The following PAX8 variants were observed in gnomAD, a reference collection of about 807,000 sequenced individuals.
The protein encoded by PAX8 is paired box protein Pax-8.
Under a neutral mutation model 52.4 loss-of-function variants are expected in PAX8, and 15 were observed. The observed-to-expected ratio is 0.29, with a 90% CI of 0.19 to 0.44. The LOEUF is 0.44. PAX8 is among the 20% of genes least tolerant of loss of function. The pLI, the probability that PAX8 is intolerant of heterozygous loss-of-function variation, is 1.00. For missense variants in PAX8, 554 were observed against 602.5 expected (o/e 0.92, Z 0.84); for synonymous variants, 284 against 249.7 (o/e 1.14, Z -1.29).
chr2:113,240,100 C>T (rs1308938988), intron 7 of PAX8: 1 of 152,292 alleles, frequency 6.6e-6, no homozygotes. Flanking sequence ...TTTACTTTCA[C>T]TGAGTGGCTG....
chr2:113,235,230 C>T, intron 9 of PAX8, 164 bp downstream of exon 9: 1 of 622,102 alleles, frequency 1.6e-6, no homozygotes, highest in Non-Finnish European at 2.8e-6. Flanking sequence ...TCTTCCCCGT[C>T]ACAGAGAACT....
At chr2:113,254,588 A>G (rs1692048819) in intron 2 of PAX8, among the ~76,000 whole-genome samples, 1 of 151,860 alleles carries the variant, frequency 6.6e-6, no homozygotes, top group African/African-American at 2.4e-5. Flanking sequence ...TGGCCATATC[A>G]CTCCCATATT....
At chr2:113,278,029 C>T (rs1193134960) in intron 2 of PAX8, among the ~76,000 whole-genome samples, 1 of 152,208 alleles carries the variant, frequency 6.6e-6, no homozygotes, top group Non-Finnish European at 1.5e-5. Flanking sequence ...CGGTGCAGCC[C>T]AGGGACAGAG....
At chr2:113,233,703 G>T (rs1690057918) in intron 9 of PAX8, among the ~76,000 whole-genome samples, 1 of 150,126 alleles carries the variant, frequency 6.7e-6, no homozygotes, top group Non-Finnish European at 1.5e-5. Flanking sequence ...AAAAAAAAAA[G>T]GGTCCAGGGA....
chr2:113,259,755 C>T (rs980696350), intron 2 of PAX8, among the ~76,000 whole-genome samples: 3 of 152,220 alleles, frequency 2.0e-5, no homozygotes, highest in African/African-American at 7.2e-5. Context: ...AATGGAGCTT[C>T]CCAGTGCTCC....
chr2:113,246,184 A>G (rs865831920), intron 3 of PAX8, among the ~76,000 whole-genome samples: 15 of 152,304 alleles, frequency 9.8e-5, no homozygotes, highest in Middle Eastern at 3.4e-3. Flanking sequence ...ACTTGCGCCT[A>G]TTTCCCTAAA....
In PAX8 at chr2:113,216,725, T is replaced by A. The variant is rs1369794192; in HGVS notation, c.*1808A>T. 4 of 226,574 alleles carry A rather than the reference T, an allele frequency of 1.8e-5. No homozygotes were observed. Among genetic ancestry groups the A allele is most frequent in the Admixed American group, 5.7e-5 (1 of 17,554 alleles). 14.0% of individuals were successfully genotyped at this position (226,574 alleles called of 1,614,324 possible). A position where few individuals can be genotyped will look rare whatever the true frequency, so the allele number is the denominator to read the frequency against. On this transcript the variant is annotated 3_prime_UTR_variant, in exon 12 of 12. Coordinates refer to ENST00000429538, the MANE Select transcript of PAX8 (RefSeq NM_003466.4). ...AAATCAAAAGAAATTAAATCCCCAGTGGCAGCTCCAGAACCTCCACTGGGT... is the reference window on the plus strand; with the variant it reads ...AAATCAAAAGAAATTAAATCCCCAGAGGCAGCTCCAGAACCTCCACTGGGT...
At chr2:113,232,438 C>T (rs551502176) in intron 9 of PAX8, among the ~76,000 whole-genome samples, 30 of 152,346 alleles carry the variant, frequency 2.0e-4, no homozygotes, top group Admixed American at 1.5e-3. Context: ...CTTCAAAGTG[C>T]TCACACCTGC....
intron 9 of PAX8, among the ~76,000 whole-genome samples, chr2:113,227,772 G>A (rs1424605477): frequency 6.6e-6 from 1 of 152,010 alleles, no homozygotes; most frequent in Non-Finnish European, 1.5e-5. Context: ...TTTTTTGGGG[G>A]GCCTGTGACA....
At chr2:113,278,496 A>C in intron 1 of PAX8, 27 bp from the exon 2 acceptor site, 1 of 1,533,900 alleles carries the variant, frequency 6.5e-7, no homozygotes, top group Non-Finnish European at 8.9e-7. Context: ...GAAGGGCATG[A>C]GATGCGATGA....
At chr2:113,244,739 A>G (rs1691165087) in intron 3 of PAX8, 115 bp from the exon 4 acceptor site, 5 of 940,950 alleles carry the variant, frequency 5.3e-6, no homozygotes, top group Admixed American at 3.5e-5. Flanking sequence ...TATGAGAGTG[A>G]AATGTGCCTC....
At chr2:113,256,788 A>G (rs1401185753) in intron 2 of PAX8, among the ~76,000 whole-genome samples, 1 of 151,854 alleles carries the variant, frequency 6.6e-6, no homozygotes, top group Non-Finnish European at 1.5e-5. Flanking sequence ...AGAGTCAGAA[A>G]CCCCTGCTTC....
intron 2 of PAX8, among the ~76,000 whole-genome samples, chr2:113,252,239 G>C (rs1314106390): frequency 6.6e-6 from 1 of 152,176 alleles, no homozygotes; most frequent in African/African-American, 2.4e-5. Flanking sequence ...GGCCTCTTTG[G>C]GTGCCTTTCA....
intron 2 of PAX8, among the ~76,000 whole-genome samples, chr2:113,262,370 G>A (rs903401484): frequency 3.3e-5 from 5 of 152,122 alleles, no homozygotes; most frequent in African/African-American, 1.2e-4. Context: ...TCTGGCTTGG[G>A]AGGGGGAGTC....
At chr2:113,243,164 G>A (rs1158789866) in intron 4 of PAX8, among the ~76,000 whole-genome samples, 1 of 152,138 alleles carries the variant, frequency 6.6e-6, no homozygotes, top group Non-Finnish European at 1.5e-5. Context: ...AGTGGCCCAC[G>A]CCCATCCCCT....
chr2:113,238,380 T>C (rs1193139429), intron 7 of PAX8: 1 of 152,618 alleles, frequency 6.6e-6, no homozygotes, highest in East Asian at 1.9e-4. Context: ...AGGGTGTGTC[T>C]TATTGAAATT....
intron 2 of PAX8, chr2:113,272,750 G>A (rs1364130314): frequency 6.6e-6 from 1 of 152,194 alleles, no homozygotes; most frequent in African/African-American, 2.4e-5. Flanking sequence ...AAGAACCTGG[G>A]CGAAGAAGGT....
At chr2:113,246,513 G>A (rs781132822) in intron 3 of PAX8, among the ~76,000 whole-genome samples, 1 of 152,084 alleles carries the variant, frequency 6.6e-6, no homozygotes, top group Non-Finnish European at 1.5e-5. Context: ...AGAAGGGAGA[G>A]GGAGAAACTA....
At chr2:113,257,483 T>C (rs1692346338) in intron 2 of PAX8, among the ~76,000 whole-genome samples, 1 of 152,078 alleles carries the variant, frequency 6.6e-6, no homozygotes, top group East Asian at 1.9e-4. Flanking sequence ...TCGAATGTGA[T>C]ATTTGGCTTC....
Sources: gnomAD v4.1 joint callset for allele counts (sites outside exome capture counted in the v4.1 genomes callset) on GRCh38, gnomAD v4.1.1 for gene constraint, MANE v1.5 for transcripts, NCBI Gene and HGNC (gene_info 2026-07-23, HGNC 2026-07-21) for gene names.